WDR49: variants seen among roughly 807,000 people sequenced by gnomAD.
WDR49 encodes cilia- and flagella-associated protein 337.
In WDR49, 107 loss-of-function variants were observed where a neutral mutation model predicts 119.5. The ratio of observed to expected loss-of-function variants is 0.90; its 90% confidence interval spans 0.77 to 1.05. The LOEUF (loss-of-function observed/expected upper bound fraction) is 1.05, where lower values mean the gene tolerates loss of function less well. Ranked by LOEUF, WDR49 falls within the 50% of genes least tolerant of loss-of-function variation. WDR49 has a pLI of 0.00. For missense variants in WDR49, 1,240 were observed against 1,220.5 expected (o/e 1.02, Z -0.24); for synonymous variants, 425 against 418.8 (o/e 1.01, Z -0.18).
chr3:167,611,713 G>A (rs558058193), intron 5 of WDR49, among the ~76,000 whole-genome samples: 5 of 152,118 alleles, frequency 3.3e-5, no homozygotes, highest in Admixed American at 1.3e-4. Flanking sequence ...AATAGATTTC[G>A]AGACAAAAAC....
chr3:167,516,544 G>A (rs1327210626), intron 16 of WDR49, among the ~76,000 whole-genome samples: 3 of 152,028 alleles, frequency 2.0e-5, no homozygotes, highest in Non-Finnish European at 4.4e-5. Flanking sequence ...ATTGTGAATA[G>A]TGCCACAATA....
rs371130953 is a variant in WDR49, at chr3:167,566,748, C to T, written c.1510-6520G>A. ...CACATTTTGTATGTAAGAGTTACTA[C>T]ATACTGTATTCTTACAACAAAGTAA... On this transcript the variant is annotated intron_variant, in intron 8 of 18. Transcript: ENST00000682715. 103 of 517,378 alleles carry T rather than the reference C, an allele frequency of 2.0e-4. No homozygotes were observed. In the South Asian group the frequency reaches 3.3e-3, roughly 17 times the overall value. The allele number at this position is 517,378 out of a possible 1,614,324, so 32.0% of individuals were successfully genotyped here.
chr3:167,633,887 C>T (rs1247011507), intron 2 of WDR49, among the ~76,000 whole-genome samples: 1 of 151,920 alleles, frequency 6.6e-6, no homozygotes, highest in African/African-American at 2.4e-5. Context: ...TTAGGCAACT[C>T]TATTCAAGCA....
intron 2 of WDR49, among the ~76,000 whole-genome samples, chr3:167,638,827 C>T (rs1472670757): frequency 1.3e-5 from 2 of 151,534 alleles, no homozygotes; most frequent in African/African-American, 4.8e-5. Flanking sequence ...TTGTAACTAA[C>T]AAAGACACAG....
At chr3:167,558,454 T>A (rs186577872) in intron 9 of WDR49, among the ~76,000 whole-genome samples, 1 of 152,226 alleles carries the variant, frequency 6.6e-6, no homozygotes, top group African/African-American at 2.4e-5. Context: ...CCCTGATTTA[T>A]GTATCCTACA....
intron 1 of WDR49, 140 bp from the exon 2 acceptor site, chr3:167,653,639 G>A (rs943502271): frequency 2.1e-6 from 1 of 475,548 alleles, no homozygotes; most frequent in African/African-American, 2.0e-5. Context: ...TGATTCTAGA[G>A]TTTATTTTCA....
chr3:167,480,699 A>G (rs1262715318), intron 18 of WDR49, among the ~76,000 whole-genome samples: 2 of 152,228 alleles, frequency 1.3e-5, no homozygotes, highest in Non-Finnish European at 2.9e-5. Flanking sequence ...TAAAGAAGCA[A>G]AACAGCTGAG....
chr3:167,654,228 T>A (rs987255620), upstream of WDR49, among the ~76,000 whole-genome samples: 1 of 152,162 alleles, frequency 6.6e-6, no homozygotes, highest in African/African-American at 2.4e-5. Flanking sequence ...GAGAAAAGCA[T>A]GAAATTCTGG....
At chr3:167,617,503 G>A (rs1716657216) in intron 5 of WDR49, among the ~76,000 whole-genome samples, 2 of 152,178 alleles carry the variant, frequency 1.3e-5, no homozygotes. Flanking sequence ...TCCAGCCTGG[G>A]CGACAGTCTG....
intron 15 of WDR49, among the ~76,000 whole-genome samples, chr3:167,526,336 C>T (rs939961867): frequency 5.9e-5 from 9 of 152,128 alleles, no homozygotes; most frequent in South Asian, 2.1e-4. Context: ...ACACCTAGAA[C>T]GGTGTTATTT....
At chr3:167,645,881 A>G (rs1213103461) in intron 2 of WDR49, among the ~76,000 whole-genome samples, 1 of 152,176 alleles carries the variant, frequency 6.6e-6, no homozygotes, top group Non-Finnish European at 1.5e-5. Flanking sequence ...GATGAAAGCA[A>G]CCAAAGGAAC....
intron 16 of WDR49, among the ~76,000 whole-genome samples, chr3:167,516,305 T>A (rs1242348431): frequency 7.2e-6 from 1 of 138,954 alleles, no homozygotes; most frequent in East Asian, 2.4e-4. Flanking sequence ...TGTGTCCATG[T>A]GTTCTCATTG....
At chr3:167,606,651 GTTCACA>G (rs1379302880) in intron 5 of WDR49, among the ~76,000 whole-genome samples, 1 of 152,174 alleles carries the variant, frequency 6.6e-6, no homozygotes, top group Non-Finnish European at 1.5e-5. Flanking sequence ...AGTAGAGCTG[GTTCACA>G]GAGCTGGCTC....
intron 7 of WDR49, among the ~76,000 whole-genome samples, chr3:167,599,027 T>TCAGTCTCA (rs1715633755): frequency 6.6e-6 from 1 of 152,080 alleles, no homozygotes; most frequent in South Asian, 2.1e-4. Flanking sequence ...CTGTGCTGGG[T>TCAGTCTCA]CAGATATGAA....
intron 2 of WDR49, among the ~76,000 whole-genome samples, chr3:167,648,311 C>A (rs1312934699): frequency 1.3e-5 from 2 of 151,972 alleles, no homozygotes; most frequent in Non-Finnish European, 2.9e-5. Flanking sequence ...CACTGATTTC[C>A]AGAAAGAATT....
intron 7 of WDR49, among the ~76,000 whole-genome samples, chr3:167,595,825 T>C (rs1477061023): frequency 1.3e-5 from 2 of 151,376 alleles, no homozygotes; most frequent in Non-Finnish European, 2.9e-5. Context: ...ACTTCATGTC[T>C]AAAACACCAA....
At chr3:167,501,406 C>T (rs1751559824) in intron 17 of WDR49, among the ~76,000 whole-genome samples, 1 of 152,064 alleles carries the variant, frequency 6.6e-6, no homozygotes, top group Non-Finnish European at 1.5e-5. Flanking sequence ...AACAACATTA[C>T]TAATAAGATT....
intron 10 of WDR49, among the ~76,000 whole-genome samples, chr3:167,546,671 ATTAG>A (rs898031831): frequency 2.0e-5 from 3 of 151,204 alleles, no homozygotes; most frequent in African/African-American, 7.3e-5. Context: ...TGAGAACAAA[ATTAG>A]TTTACCTGTC....
intron 15 of WDR49, among the ~76,000 whole-genome samples, chr3:167,527,081 T>C (rs1752663889): frequency 6.6e-6 from 1 of 152,156 alleles, no homozygotes; most frequent in South Asian, 2.1e-4. Flanking sequence ...CATTTCCATT[T>C]CATTTCATAG....
Sources: gnomAD v4.1 joint callset for allele counts (sites outside exome capture counted in the v4.1 genomes callset) on GRCh38, gnomAD v4.1.1 for gene constraint, MANE v1.5 for transcripts, NCBI Gene and HGNC (gene_info 2026-07-23, HGNC 2026-07-21) for gene names.